TRABD2B: variants seen among roughly 807,000 people sequenced by gnomAD.
The protein encoded by TRABD2B is TraB domain containing 2B, also known as metalloprotease TIKI2.
Under a neutral mutation model 40.1 loss-of-function variants are expected in TRABD2B, and 14 were observed. That is an observed-to-expected ratio of 0.35 (90% CI 0.23 to 0.55). TRABD2B has a LOEUF of 0.55. Among genes scored for constraint, TRABD2B ranks in the 20% least tolerant of loss-of-function variants. The probability of loss-of-function intolerance (pLI) is 0.90; values close to 1 mark genes in which losing one functional copy is unlikely to be tolerated. For missense variants in TRABD2B, 541 were observed against 648.6 expected (o/e 0.83, Z 1.80); for synonymous variants, 263 against 277.0 (o/e 0.95, Z 0.50).
At chr1:47,839,103 A>G (rs1255712332) in intron 2 of TRABD2B, among the ~76,000 whole-genome samples, 2 of 152,140 alleles carry the variant, frequency 1.3e-5, no homozygotes, top group Non-Finnish European at 1.5e-5. Context: ...CGCTGCCTTC[A>G]AGACATTGTG....
chr1:47,788,973 T>C (rs1644634068), intron 4 of TRABD2B, among the ~76,000 whole-genome samples: 1 of 152,208 alleles, frequency 6.6e-6, no homozygotes, highest in South Asian at 2.1e-4. Context: ...AGAAACCTGT[T>C]TCCCTGGAAC....
At chr1:47,842,970 T>TG (rs1262382312) in intron 2 of TRABD2B, among the ~76,000 whole-genome samples, 9 of 152,080 alleles carry the variant, frequency 5.9e-5, no homozygotes, top group Non-Finnish European at 1.2e-4. Context: ...AGAGCTGTCC[T>TG]GGGGAGATCT....
At chr1:47,840,733 A>G (rs1645385272) in intron 2 of TRABD2B, among the ~76,000 whole-genome samples, 2 of 152,172 alleles carry the variant, frequency 1.3e-5, no homozygotes, top group Non-Finnish European at 2.9e-5. Context: ...GGCAGCACTG[A>G]GCTTCTGCCT....
chr1:47,911,055 AAC>A (rs1194835495), intron 2 of TRABD2B, among the ~76,000 whole-genome samples: 1 of 152,196 alleles, frequency 6.6e-6, no homozygotes, highest in African/African-American at 2.4e-5. Flanking sequence ...AAGGAGCCTG[AAC>A]CCTCCATAGC....
chr1:47,770,177 C>T (rs956937271), intron 6 of TRABD2B, among the ~76,000 whole-genome samples: 1 of 152,140 alleles, frequency 6.6e-6, no homozygotes, highest in African/African-American at 2.4e-5. Flanking sequence ...CTGAGGAGAC[C>T]GGATTTGGGG....
chr1:47,912,184 C>T (rs896821294), intron 2 of TRABD2B, among the ~76,000 whole-genome samples: 1 of 152,160 alleles, frequency 6.6e-6, no homozygotes, highest in African/African-American at 2.4e-5. Context: ...CATTTCTGAG[C>T]CGTTCTCCTT....
At chr1:47,874,325 T>C (rs1644189939) in intron 2 of TRABD2B, among the ~76,000 whole-genome samples, 1 of 135,556 alleles carries the variant, frequency 7.4e-6, no homozygotes, top group Non-Finnish European at 1.5e-5. Flanking sequence ...GACTGCGGAC[T>C]GCAGTGGCGC....
At chr1:47,787,859 A>G (rs1423532947) in intron 4 of TRABD2B, among the ~76,000 whole-genome samples, 1 of 152,120 alleles carries the variant, frequency 6.6e-6, no homozygotes, top group Non-Finnish European at 1.5e-5. Context: ...CTAGACTGGG[A>G]GCATGAGAGA....
intron 2 of TRABD2B, among the ~76,000 whole-genome samples, chr1:47,805,077 G>A (rs530257056): frequency 5.3e-4 from 80 of 152,232 alleles, no homozygotes; most frequent in Middle Eastern, 6.8e-3. Context: ...GAGGAGGCTA[G>A]GGTCCAGAGC....
chr1:47,991,631 A>G (rs955209439), intron 2 of TRABD2B, among the ~76,000 whole-genome samples: 2 of 152,200 alleles, frequency 1.3e-5, no homozygotes, highest in Non-Finnish European at 2.9e-5. Flanking sequence ...AGAAAAAAAT[A>G]CAAAAATTTT....
intron 2 of TRABD2B, among the ~76,000 whole-genome samples, chr1:47,919,443 T>C (rs1169934315): frequency 3.3e-5 from 5 of 152,186 alleles, no homozygotes; most frequent in African/African-American, 4.8e-5. Context: ...CTATCCCTGT[T>C]GGGGGTAACA....
intron 2 of TRABD2B, among the ~76,000 whole-genome samples, chr1:47,956,732 C>T (rs1404906781): frequency 6.6e-6 from 1 of 152,230 alleles, no homozygotes; most frequent in East Asian, 1.9e-4. Flanking sequence ...TGGAGCCCAC[C>T]ACAGCTCAAG....
intron 2 of TRABD2B, among the ~76,000 whole-genome samples, chr1:47,914,401 G>A (rs1315731935): frequency 6.6e-6 from 1 of 152,204 alleles, no homozygotes; most frequent in African/African-American, 2.4e-5. Flanking sequence ...CTGGTGACCT[G>A]GACAGATTCC....
intron 2 of TRABD2B, among the ~76,000 whole-genome samples, chr1:47,886,772 T>C (rs1341794009): frequency 1.3e-5 from 2 of 152,240 alleles, no homozygotes; most frequent in South Asian, 2.1e-4. Context: ...AGAAATGGTC[T>C]AGGGGGAATT....
chr1:47,796,527 G>GGAC (rs1434693207), intron 3 of TRABD2B, among the ~76,000 whole-genome samples: 1 of 152,198 alleles, frequency 6.6e-6, no homozygotes, highest in African/African-American at 2.4e-5. Flanking sequence ...GAGCCCTAAG[G>GGAC]GACTCTAAGG....
At chr1:47,770,461 C>T (rs1002346847) in intron 6 of TRABD2B, among the ~76,000 whole-genome samples, 48 of 152,246 alleles carry the variant, frequency 3.2e-4, no homozygotes, top group African/African-American at 1.1e-3. Context: ...TGGGCCATGA[C>T]TGATCAATTC....
intron 2 of TRABD2B, among the ~76,000 whole-genome samples, chr1:47,861,364 G>A (rs1643967754): frequency 6.6e-6 from 1 of 151,972 alleles, no homozygotes; most frequent in Non-Finnish European, 1.5e-5. Context: ...ATACATGACA[G>A]CACCCCCCAC....
At chr1:47,860,456 C>G (rs182288620) in intron 2 of TRABD2B, among the ~76,000 whole-genome samples, 1 of 152,264 alleles carries the variant, frequency 6.6e-6, no homozygotes, top group East Asian at 1.9e-4. Context: ...ACTCAGAAAA[C>G]ATGCCTCACA....
chr1:47,874,694 A>G (rs61773469), intron 2 of TRABD2B, among the ~76,000 whole-genome samples: 45,053 of 151,104 alleles, frequency 0.3, 6,852 homozygotes, highest in East Asian at 0.46. Flanking sequence ...CAGCCTCCTG[A>G]GTAGTTGGGA....
Sources: allele counts gnomAD v4.1 joint callset (sites outside exome capture counted in the v4.1 genomes callset), GRCh38; gene constraint gnomAD v4.1.1; transcripts MANE v1.5; gene names NCBI Gene and HGNC (gene_info 2026-07-23, HGNC 2026-07-21).